Variants in MICAL3 observed in about 807,000 individuals in gnomAD.
The protein encoded by MICAL3 is [F-actin]-monooxygenase MICAL3.
MICAL3 carries 62 observed loss-of-function variants against 207.4 expected under a neutral mutation model. The ratio of observed to expected loss-of-function variants is 0.30; its 90% CI spans 0.24 to 0.37. The LOEUF is 0.37. MICAL3 is among the 10% of genes least tolerant of loss of function. The pLI is 1.00. For synonymous variants in MICAL3, 1,077 were observed against 1,069.3 expected (o/e 1.01, Z -0.14); for missense variants, 2,368 against 2,635.6 (o/e 0.90, Z 2.22).
At chr22:18,014,817 C>A (rs900455113) in intron 1 of MICAL3, among the ~76,000 whole-genome samples, 1 of 152,030 alleles carries the variant, frequency 6.6e-6, no homozygotes, top group African/African-American at 2.4e-5. Context: ...CACGGTGAAA[C>A]CCCATCTCTA....
chr22:17,902,968 C>G lies in MICAL3; in HGVS notation c.473-221G>C, dbSNP rs1478140464. Among the ~76,000 whole-genome samples, 2 of 152,202 alleles carry G rather than the reference C, an allele frequency of 1.3e-5. No individual in the cohort carries two copies. Among genetic ancestry groups the G allele is most frequent in the Admixed American group, 1.3e-4 (2 of 15,290 alleles). On this transcript the variant is annotated intron_variant, in intron 3 of 31. Coordinates refer to ENST00000441493, the MANE Select transcript of MICAL3 (RefSeq NM_015241.3). This position sits in a 1 kb window ranked among gnomAD's most constrained non-coding sequence, Gnocchi z 4.5. ...AGCTGTTCTAGAGCAACACACAGGA[C>G]ACTCCCACGTCTCGGGTTCAGTGTT... is the stretch of plus-strand genomic sequence containing the variant.
At chr22:17,857,069 A>G (rs796119051) in intron 19 of MICAL3, among the ~76,000 whole-genome samples, 30 of 152,344 alleles carry the variant, frequency 2.0e-4, no homozygotes, top group African/African-American at 7.0e-4. Context: ...AATTGCTGCC[A>G]TAATCCTGTT....
rs186001214 is a variant in MICAL3, at chr22:17,831,815, G to C, written c.3055+39C>G. 238 of 1,538,526 alleles carry C rather than the reference G, an allele frequency of 1.5e-4. No individual in the cohort carries two copies. In the African/African-American group the frequency reaches 2.9e-3, roughly 19 times the overall value. ...TCACGCATGAAACAGATCACTTTGGGGGGCAGGGCAGAGTTCGGAGCAGAG... is the reference window on the plus strand; with the variant it reads ...TCACGCATGAAACAGATCACTTTGGCGGGCAGGGCAGAGTTCGGAGCAGAG... On this transcript the variant is annotated intron_variant, in intron 21 of 31. Transcript: ENST00000441493.
intron 16 of MICAL3, among the ~76,000 whole-genome samples, chr22:17,877,503 ATGG>A (rs1928909679): frequency 7.3e-6 from 1 of 137,782 alleles, no homozygotes; most frequent in Non-Finnish European, 1.5e-5. Flanking sequence ...TAGGGAGGTT[ATGG>A]AGGTTAGGGA....
chr22:17,875,478 G>A, intron 16 of MICAL3: 1 of 1,557,930 alleles, frequency 6.4e-7, no homozygotes, highest in South Asian at 1.2e-5. Context: ...GGGAGAGGCG[G>A]GGCGGGCAGA....
intron 1 of MICAL3, among the ~76,000 whole-genome samples, chr22:17,997,460 T>A (rs889322481): frequency 6.6e-6 from 1 of 152,192 alleles, no homozygotes; most frequent in Non-Finnish European, 1.5e-5. Context: ...CCTGGCTAGA[T>A]GAATGCTTCT....
At chr22:17,791,129 C>A in intron 30 of MICAL3, 58 bp from the exon 31 acceptor site, 1 of 1,604,436 alleles carries the variant, frequency 6.2e-7, no homozygotes, top group East Asian at 2.2e-5. Context: ...ACCCCTCACC[C>A]CCAAATCTGG....
chr22:17,828,137 C>T (rs61285976), intron 21 of MICAL3, among the ~76,000 whole-genome samples: 2,516 of 152,318 alleles, frequency 0.017, 60 homozygotes, highest in African/African-American at 0.058. Context: ...GAGCAGATTC[C>T]AGCCTGCTTC....
chr22:17,818,453 G>T lies in MICAL3; in HGVS notation c.4208C>A (p.Thr1403Asn), dbSNP rs770858360. Residue 1403 changes from threonine to asparagine, a missense_variant, in exon 26 of 32, where the codon ACC (threonine) becomes AAC (asparagine). By Grantham distance (65) the Thr-to-Asn change is moderately conservative. Around this residue, in one of 4 missense-constraint regions of MICAL3, gnomAD observed 1,770 missense variants for 1,863.2 expected, o/e 0.95. Transcript: ENST00000441493. Reference sequence around the variant, plus strand: ...CTCTCTGTCGGACGGGGACCGGGGGGTTGGCAGGGACAACGGCTCGCCTTC... The same window carrying T: ...CTCTCTGTCGGACGGGGACCGGGGGTTTGGCAGGGACAACGGCTCGCCTTC... ...KPEGEPLSLP[T>N]PRSPSDRELR... The T allele has an allele frequency of 2.5e-6, 4 of 1,613,032 alleles. No homozygotes were observed. The highest frequency in any genetic ancestry group is 3.4e-6 in the Non-Finnish European group (4 of 1,179,894).
chr22:17,890,444 C>A (rs1037564119), intron 12 of MICAL3, among the ~76,000 whole-genome samples: 1 of 152,110 alleles, frequency 6.6e-6, no homozygotes, highest in African/African-American at 2.4e-5. Context: ...CACAATCTTT[C>A]CCAAGCTGCT....
At chr22:17,872,266 G>A (rs1375903265) in intron 16 of MICAL3, among the ~76,000 whole-genome samples, 1 of 152,236 alleles carries the variant, frequency 6.6e-6, no homozygotes, top group Admixed American at 6.5e-5. Flanking sequence ...GCCTGGGCCA[G>A]CCTGCTGCTG....
chr22:17,805,616 C>T (rs932287207), intron 29 of MICAL3, among the ~76,000 whole-genome samples: 3 of 152,244 alleles, frequency 2.0e-5, no homozygotes, highest in Admixed American at 1.3e-4. Context: ...TTTCAAGCCT[C>T]TGTGGAACCC....
At chr22:17,885,575 A>C (rs1929794854) in intron 16 of MICAL3, among the ~76,000 whole-genome samples, 1 of 152,192 alleles carries the variant, frequency 6.6e-6, no homozygotes, top group African/African-American at 2.4e-5. Context: ...CTTCTCTAGA[A>C]TTTAAATATG....
intron 13 of MICAL3, 140 bp from the exon 14 acceptor site, chr22:17,887,575 G>C: frequency 1.7e-6 from 1 of 591,316 alleles, no homozygotes; most frequent in Non-Finnish European, 3.1e-6. Flanking sequence ...CAAGCATGTG[G>C]TCTCAGTAGG....
At chr22:17,881,213 C>T (rs375394721) in intron 16 of MICAL3, 39 of 1,612,432 alleles carry the variant, frequency 2.4e-5, no homozygotes, top group Middle Eastern at 3.3e-4. Context: ...ACCTGCTGGC[C>T]GCCATGTGCC....
At chr22:17,919,563 A>G (rs1932751277) in intron 1 of MICAL3, among the ~76,000 whole-genome samples, 1 of 152,260 alleles carries the variant, frequency 6.6e-6, no homozygotes, top group African/African-American at 2.4e-5. Flanking sequence ...GATATGAGAC[A>G]GAAGTCGTAT....
chr22:17,838,499 A>G (rs1366472850), intron 20 of MICAL3, among the ~76,000 whole-genome samples: 1 of 50,468 alleles, frequency 2.0e-5, no homozygotes, highest in Non-Finnish European at 3.6e-5. Flanking sequence ...TCCGGGCATC[A>G]AGGCTTCGTC....
intron 23 of MICAL3, 136 bp from the exon 24 acceptor site, chr22:17,822,306 G>A: frequency 8.6e-7 from 1 of 1,157,298 alleles, no homozygotes; most frequent in Non-Finnish European, 1.2e-6. Context: ...TTCTTACGCA[G>A]GGACAGACCT....
At chr22:17,833,631 C>T (rs1332351519) in intron 20 of MICAL3, among the ~76,000 whole-genome samples, 1 of 152,194 alleles carries the variant, frequency 6.6e-6, no homozygotes, top group Non-Finnish European at 1.5e-5. Context: ...CCTGGGGTGC[C>T]CTGCCTATGG....
Sources: gnomAD v4.1 joint callset for allele counts (sites outside exome capture counted in the v4.1 genomes callset) on GRCh38, gnomAD v4.1.1 for gene constraint, gnomAD v4.1.1 regional missense constraint, Gnocchi (gnomAD v3.1) non-coding constraint, MANE v1.5 for transcripts, NCBI Gene and HGNC (gene_info 2026-07-23, HGNC 2026-07-21) for gene names.